The following GUCY1A2 variants were observed in gnomAD, a reference collection of about 807,000 sequenced individuals.
GUCY1A2 encodes guanylate cyclase 1 soluble subunit alpha 2.
Under a neutral mutation model 63.5 loss-of-function variants are expected in GUCY1A2, and 27 were observed. The ratio of observed to expected loss-of-function variants is 0.43; its 90% CI spans 0.31 to 0.59. The LOEUF (loss-of-function observed/expected upper bound fraction) is 0.59, where lower values mean the gene tolerates loss of function less well. Ranked by LOEUF, GUCY1A2 falls within the 20% of genes least tolerant of loss-of-function variation. The pLI is 0.11. For missense variants in GUCY1A2, 768 were observed against 913.3 expected (o/e 0.84, Z 2.05); for synonymous variants, 364 against 343.5 (o/e 1.06, Z -0.66).
chr11:106,739,370 C>T (rs1018235486), intron 6 of GUCY1A2, among the ~76,000 whole-genome samples: 1 of 152,100 alleles, frequency 6.6e-6, no homozygotes, highest in Non-Finnish European at 1.5e-5. Context: ...AACTGAATTC[C>T]CAGGGAATCA....
At chr11:106,987,407 T>A (rs776682161) in intron 1 of GUCY1A2, among the ~76,000 whole-genome samples, 12 of 152,170 alleles carry the variant, frequency 7.9e-5, no homozygotes, top group Non-Finnish European at 1.8e-4. Flanking sequence ...TCCCAGCACT[T>A]TGGGAGGCCG....
At chr11:106,992,249 T>C (rs1322379190) in intron 1 of GUCY1A2, among the ~76,000 whole-genome samples, 1 of 151,736 alleles carries the variant, frequency 6.6e-6, no homozygotes, top group Non-Finnish European at 1.5e-5. Flanking sequence ...AAGAACAAAA[T>C]TTAGAGAGAT....
chr11:106,962,336 G>A (rs1861068326), intron 3 of GUCY1A2, among the ~76,000 whole-genome samples: 1 of 151,822 alleles, frequency 6.6e-6, no homozygotes, highest in South Asian at 2.1e-4. Flanking sequence ...TGGATCATGA[G>A]GTCAGGAGAT....
intron 4 of GUCY1A2, among the ~76,000 whole-genome samples, chr11:106,876,945 T>G (rs1190369497): frequency 1.3e-5 from 2 of 152,022 alleles, no homozygotes; most frequent in African/African-American, 4.8e-5. Context: ...AAGTCAAAGA[T>G]CTTGAGATGG....
At chr11:106,797,766 C>G (rs1407730234) in intron 5 of GUCY1A2, among the ~76,000 whole-genome samples, 3 of 152,156 alleles carry the variant, frequency 2.0e-5, no homozygotes, top group African/African-American at 7.2e-5. Context: ...ACATTCAAAG[C>G]AGTATGTGGA....
At chr11:106,756,414 C>T (rs985798649) in intron 6 of GUCY1A2, among the ~76,000 whole-genome samples, 1 of 151,954 alleles carries the variant, frequency 6.6e-6, no homozygotes, top group South Asian at 2.1e-4. Flanking sequence ...TTGTTTTGTC[C>T]GTTCATTGCT....
chr11:106,756,595 T>C (rs1863977875), intron 6 of GUCY1A2, among the ~76,000 whole-genome samples: 1 of 152,190 alleles, frequency 6.6e-6, no homozygotes. Flanking sequence ...TTATTTCTCC[T>C]TCACTTATGA....
chr11:106,980,173 G>A (rs547585330), intron 2 of GUCY1A2, among the ~76,000 whole-genome samples: 1 of 152,180 alleles, frequency 6.6e-6, no homozygotes, highest in Non-Finnish European at 1.5e-5. Context: ...AAGGCCCACC[G>A]TTTGGCAGGG....
At chr11:106,825,669 G>A (rs1415753127) in intron 4 of GUCY1A2, among the ~76,000 whole-genome samples, 2 of 151,776 alleles carry the variant, frequency 1.3e-5, no homozygotes, top group African/African-American at 2.4e-5. Flanking sequence ...GATCAGGGAT[G>A]TCCAATCTTT....
chr11:106,698,465 GAAT>G (rs1435138069), intron 7 of GUCY1A2, among the ~76,000 whole-genome samples: 2 of 151,696 alleles, frequency 1.3e-5, no homozygotes, highest in Non-Finnish European at 2.9e-5. Context: ...GCATTTTTTG[GAAT>G]AATGTTAGAT....
chr11:107,015,033 T>G (rs957436562), intron 1 of GUCY1A2, among the ~76,000 whole-genome samples: 1 of 152,234 alleles, frequency 6.6e-6, no homozygotes, highest in African/African-American at 2.4e-5. Context: ...TTTGAGCTAG[T>G]GTTCTAACTT....
At position 106,677,207 on chromosome 11, in the gene GUCY1A2, G is replaced by A; in HGVS notation, c.*10342C>T. ...GAAAGGAAGGAAAGGAAGGAAGGAA[G>A]GAAGATAGGAAGATAATTCAATGGA... On this transcript the variant is annotated 3_prime_UTR_variant, in exon 8 of 8. Coordinates refer to ENST00000526355, the MANE Select transcript of GUCY1A2 (RefSeq NM_000855.3). The A allele has an allele frequency of 4.5e-6, 1 of 221,240 alleles. No homozygotes were observed. The highest frequency in any genetic ancestry group is 9.1e-6 in the Non-Finnish European group (1 of 109,870). The allele number at this position is 221,240 out of a possible 1,614,324, so 13.7% of individuals were successfully genotyped here. A position where few individuals can be genotyped will look rare whatever the true frequency, so the allele number is the denominator to read the frequency against.
At chr11:106,781,037 A>G (rs1392722927) in intron 5 of GUCY1A2, among the ~76,000 whole-genome samples, 1 of 151,266 alleles carries the variant, frequency 6.6e-6, no homozygotes, top group African/African-American at 2.4e-5. Context: ...AGTGTCATGT[A>G]TCAATTCCAT....
intron 4 of GUCY1A2, among the ~76,000 whole-genome samples, chr11:106,933,358 C>T (rs1168134675): frequency 6.6e-6 from 1 of 152,092 alleles, no homozygotes; most frequent in Non-Finnish European, 1.5e-5. Context: ...CTCAACATCA[C>T]TAAATATCAG....
intron 4 of GUCY1A2, among the ~76,000 whole-genome samples, chr11:106,902,490 C>CAT (rs538266408): frequency 4.5e-4 from 68 of 152,284 alleles, no homozygotes; most frequent in Middle Eastern, 3.4e-3. Flanking sequence ...ACCTAGATGG[C>CAT]ATCTTCTTCC....
chr11:106,785,058 C>G (rs1864532854), intron 5 of GUCY1A2, among the ~76,000 whole-genome samples: 1 of 152,202 alleles, frequency 6.6e-6, no homozygotes, highest in Non-Finnish European at 1.5e-5. Context: ...AAAAGGTCAT[C>G]TCATCTCTTA....
rs577966945 is a variant in GUCY1A2 at position 106,807,475 on chromosome 11, G to A, written c.1692+2518C>T. ...TTCCCTCTCTGGCCAAACCATTACTGCTATGGATTTAGCATATATTGTATT... is the reference window on the plus strand; with the variant it reads ...TTCCCTCTCTGGCCAAACCATTACTACTATGGATTTAGCATATATTGTATT... On this transcript the variant is annotated intron_variant, in intron 5 of 7. Transcript: ENST00000526355. Among the ~76,000 whole-genome samples, 4 of 152,156 alleles carry A rather than the reference G, an allele frequency of 2.6e-5. No individual in the cohort carries two copies. The East Asian group carries it at 5.8e-4, about 22-fold the overall frequency.
At chr11:107,017,731 C>T (rs116143305) in intron 1 of GUCY1A2, 22 bp downstream of exon 1, 11 of 1,338,828 alleles carry the variant, frequency 8.2e-6, no homozygotes, top group East Asian at 5.8e-5. Flanking sequence ...GAAGGCGGTC[C>T]CCCCTTCCGC....
chr11:106,788,694 T>C (rs60740034), intron 5 of GUCY1A2, among the ~76,000 whole-genome samples: 7,014 of 152,318 alleles, frequency 0.046, 156 homozygotes, highest in East Asian at 0.092. Flanking sequence ...GGCACCTTTG[T>C]CAAAATTGAG....
Sources: allele counts gnomAD v4.1 joint callset (sites outside exome capture counted in the v4.1 genomes callset), GRCh38; gene constraint gnomAD v4.1.1; transcripts MANE v1.5; gene names NCBI Gene and HGNC (gene_info 2026-07-23, HGNC 2026-07-21).